SLC4A4: variants seen among roughly 807,000 people sequenced by gnomAD.
The protein encoded by SLC4A4 is solute carrier family 4 member 4, also known as electrogenic sodium bicarbonate cotransporter 1.
SLC4A4 carries 27 observed loss-of-function variants against 111.5 expected under a neutral mutation model. The observed-to-expected ratio is 0.24, with a 90% CI of 0.18 to 0.33. The LOEUF is 0.33. SLC4A4 is among the 10% of genes least tolerant of loss of function. SLC4A4 has a pLI of 1.00. For missense variants in SLC4A4, 909 were observed against 1,315.5 expected, an observed-to-expected ratio of 0.69 and a Z score of 4.78; for synonymous variants, 443 against 463.4, an observed-to-expected ratio of 0.96 and a Z score of 0.57.
intron 2 of SLC4A4, among the ~76,000 whole-genome samples, chr4:71,118,058 C>A (rs760714678): frequency 3.8e-4 from 57 of 151,762 alleles, no homozygotes; most frequent in Non-Finnish European, 5.4e-4. Flanking sequence ...GTATTTTTAG[C>A]AGAGATGGGG....
chr4:71,232,879 C>T (rs1355539561), intron 1 of SLC4A4, among the ~76,000 whole-genome samples: 2 of 152,142 alleles, frequency 1.3e-5, no homozygotes, highest in African/African-American at 2.4e-5. Flanking sequence ...GTGTTGGACT[C>T]TATAGGTTGG....
chr4:71,140,400 G>A (rs1743962583), intron 2 of SLC4A4, among the ~76,000 whole-genome samples: 1 of 152,074 alleles, frequency 6.6e-6, no homozygotes, highest in African/African-American at 2.4e-5. Flanking sequence ...TAGCCTGAGC[G>A]ACAAAATGAG....
chr4:71,560,633 G>A (rs1736894254), intron 23 of SLC4A4, among the ~76,000 whole-genome samples: 1 of 151,746 alleles, frequency 6.6e-6, no homozygotes, highest in Non-Finnish European at 1.5e-5. Flanking sequence ...TCAATTTTAT[G>A]TAATTTTAAG....
rs539594692 is a variant in SLC4A4, at chr4:71,314,697, C to T, written c.254-24673C>T. Among the ~76,000 whole-genome samples the T allele has an allele frequency of 3.3e-5, 5 of 152,098 alleles. No homozygotes were observed. In the South Asian group the frequency reaches 6.2e-4, roughly 19 times the overall value. On this transcript the variant is annotated intron_variant, in intron 3 of 25. Coordinates refer to ENST00000264485, the MANE Select transcript of SLC4A4 (RefSeq NM_001098484.3). ...AGACCCAACACTGCATATTTTCACT[C>T]GTAAGTGGGAGTTGAATAATGATAA...
intron 16 of SLC4A4, among the ~76,000 whole-genome samples, chr4:71,509,295 A>G (rs1731696460): frequency 6.6e-6 from 1 of 152,212 alleles, no homozygotes. Flanking sequence ...TTCAAATTGG[A>G]AGAGAGGAAG....
chr4:71,269,469 T>C (rs1306705154), intron 3 of SLC4A4, among the ~76,000 whole-genome samples: 1 of 152,232 alleles, frequency 6.6e-6, no homozygotes, highest in Non-Finnish European at 1.5e-5. Context: ...GCTGCTCTTA[T>C]TACAGCAGTC....
intron 16 of SLC4A4, among the ~76,000 whole-genome samples, chr4:71,504,933 T>A (rs936503644): frequency 6.6e-6 from 1 of 152,112 alleles, no homozygotes; most frequent in Admixed American, 6.5e-5. Flanking sequence ...AATGTATCCA[T>A]GTGTTCTCAT....
chr4:71,254,690 A>T (rs939079797), intron 2 of SLC4A4, among the ~76,000 whole-genome samples: 1 of 151,638 alleles, frequency 6.6e-6, no homozygotes, highest in Admixed American at 6.6e-5. Context: ...CCTTACCCCC[A>T]GCAAAATGAC....
At chr4:71,324,391 A>G (rs1727350490) in intron 3 of SLC4A4, among the ~76,000 whole-genome samples, 1 of 152,016 alleles carries the variant, frequency 6.6e-6, no homozygotes, top group Non-Finnish European at 1.5e-5. Context: ...TATGCTTAAT[A>G]TAATTACAAT....
chr4:71,391,098 T>A (rs1300424465), intron 6 of SLC4A4, among the ~76,000 whole-genome samples: 1 of 152,064 alleles, frequency 6.6e-6, no homozygotes, highest in East Asian at 1.9e-4. Flanking sequence ...TTAACATACA[T>A]TATTCTGAAA....
intron 7 of SLC4A4, among the ~76,000 whole-genome samples, chr4:71,407,360 A>T (rs1352758047): frequency 6.6e-6 from 1 of 152,200 alleles, no homozygotes; most frequent in Non-Finnish European, 1.5e-5. Flanking sequence ...GTCAGTGAAA[A>T]AAGACTGATA....
intron 16 of SLC4A4, among the ~76,000 whole-genome samples, chr4:71,513,519 G>T (rs1396579554): frequency 1.3e-5 from 2 of 152,204 alleles, no homozygotes; most frequent in East Asian, 3.9e-4. Context: ...AAATCTAAGA[G>T]ATTTTTGATA....
In SLC4A4 at chr4:71,486,484, C is replaced by T. The variant is rs146688174; in HGVS notation, c.1904-464C>T. Among the ~76,000 whole-genome samples the T allele has an allele frequency of 4.1e-4, 62 of 151,492 alleles. No homozygotes were observed. In the East Asian group the frequency reaches 0.012, roughly 29 times the overall value. On this transcript the variant is annotated intron_variant, in intron 14 of 25. Transcript: ENST00000264485. ...GTTTTCACACATTTTGCAAAGATAACCTTTCTCATACACTGTTGAAATTTC... is the reference window on the plus strand; with the variant it reads ...GTTTTCACACATTTTGCAAAGATAATCTTTCTCATACACTGTTGAAATTTC...
At chr4:71,128,222 T>C (rs965022439) in intron 2 of SLC4A4, among the ~76,000 whole-genome samples, 2 of 152,112 alleles carry the variant, frequency 1.3e-5, no homozygotes, top group Non-Finnish European at 2.9e-5. Flanking sequence ...GCACATCACA[T>C]CTTACGTGCA....
intron 1 of SLC4A4, among the ~76,000 whole-genome samples, chr4:71,202,948 AG>A (rs1746322050): frequency 6.8e-6 from 1 of 147,656 alleles, no homozygotes; most frequent in Non-Finnish European, 1.5e-5. Flanking sequence ...ATGTGAGCCA[AG>A]AACCTAATGG....
rs749989281 is a variant in SLC4A4 at position 71,171,307 on chromosome 4, G to A, written c.-1-65269G>A. Reference sequence around the variant, plus strand: ...TGGGAGGTCATACTTTATCCATCAAGGACCAAGTGGTGCCAACTTTCTTTA... The same window carrying A: ...TGGGAGGTCATACTTTATCCATCAAAGACCAAGTGGTGCCAACTTTCTTTA... On this transcript the variant is annotated intron_variant, in intron 2 of 26. Coordinates refer to the SLC4A4 transcript ENST00000649996. Among the ~76,000 whole-genome samples, 8 of 152,192 alleles carry A rather than the reference G, an allele frequency of 5.3e-5. No homozygotes were observed. In the South Asian group the frequency reaches 6.2e-4, roughly 12 times the overall value.
At chr4:71,084,810 G>T (rs1218237674) in intron 1 of SLC4A4, among the ~76,000 whole-genome samples, 1 of 152,002 alleles carries the variant, frequency 6.6e-6, no homozygotes, top group Non-Finnish European at 1.5e-5. Context: ...ACTATTGATG[G>T]ACATTTGGGT....
At chr4:71,372,849 T>A (rs1578946325) in intron 6 of SLC4A4, among the ~76,000 whole-genome samples, 1 of 151,896 alleles carries the variant, frequency 6.6e-6, no homozygotes, top group African/African-American at 2.4e-5. Flanking sequence ...TTTCTTTGTT[T>A]TTTTTTTTTA....
rs535111317 is a variant in SLC4A4 at position 71,545,250 on chromosome 4, G to A, written c.2443-1100G>A. ...TCAGAACATGATTAGATCCATGTGC[G>A]TGAGCCAGGGGTGAAATCTTGGCAT... On this transcript the variant is annotated intron_variant, in intron 18 of 25. Transcript: ENST00000264485. Among the ~76,000 whole-genome samples the A allele has an allele frequency of 2.5e-4, 38 of 152,104 alleles. No individual in the cohort carries two copies. The South Asian group carries it at 4.8e-3, about 19-fold the overall frequency.
Sources: allele counts gnomAD v4.1 joint callset (sites outside exome capture counted in the v4.1 genomes callset), GRCh38; gene constraint gnomAD v4.1.1; transcripts MANE v1.5; gene names NCBI Gene and HGNC (gene_info 2026-07-23, HGNC 2026-07-21).